The following ZFYVE27 variants were observed in gnomAD, a reference collection of about 807,000 sequenced individuals.
ZFYVE27 encodes zinc finger FYVE-type containing 27.
ZFYVE27 carries 36 observed loss-of-function variants against 52.8 expected under a neutral mutation model. The ratio of observed to expected loss-of-function variants is 0.68; its 90% confidence interval spans 0.52 to 0.90. The LOEUF (loss-of-function observed/expected upper bound fraction) is 0.90, where lower values mean the gene tolerates loss of function less well. Among genes scored for constraint, ZFYVE27 ranks in the 40% least tolerant of loss-of-function variants. ZFYVE27 has a pLI of 0.00. For missense variants in ZFYVE27, 450 were observed against 527.2 expected (o/e 0.85, Z 1.43); for synonymous variants, 223 against 215.6 (o/e 1.03, Z -0.30).
rs1291226384 is a variant in ZFYVE27 at position 97,750,395 on chromosome 10, T to C, written c.729T>C (p.Phe243=). Reference sequence around the variant, plus strand: ...ACCCAAAGCAGGAAGAGCATGCCTTTGAGAGTCCTCCACCACCAGATGTTG... The same window carrying C: ...ACCCAAAGCAGGAAGAGCATGCCTTCGAGAGTCCTCCACCACCAGATGTTG... The part of the protein sequence containing the change: ...RMNPKQEEHA[F]ESPPPPDVGG... Residue 243 remains phenylalanine (F), a synonymous_variant, in exon 7 of 13, where the codon TTT becomes TTC. Transcript: ENST00000684270. 6.2e-7 allele frequency: 1 copy of C among 1,614,052 alleles called. No homozygotes were observed. The highest frequency in any genetic ancestry group is 8.5e-7 in the Non-Finnish European group (1 of 1,180,046).
intron 8 of ZFYVE27, among the ~76,000 whole-genome samples, chr10:97,751,886 T>C (rs958857646): frequency 6.6e-6 from 1 of 152,242 alleles, no homozygotes; most frequent in African/African-American, 2.4e-5. Flanking sequence ...GGCCAAGTGC[T>C]AGGTCAGAGG....
chr10:97,755,190 C>T (rs1314856235), intron 10 of ZFYVE27, among the ~76,000 whole-genome samples: 1 of 152,244 alleles, frequency 6.6e-6, no homozygotes, highest in Non-Finnish European at 1.5e-5. Flanking sequence ...CCTCATCCTT[C>T]AAGACCACTT....
chr10:97,757,807 A>G (rs1466017709), intron 12 of ZFYVE27, 84 bp downstream of exon 12: 1 of 1,400,468 alleles, frequency 7.1e-7, no homozygotes, highest in African/African-American at 1.4e-5. Flanking sequence ...AGGGTGTCAG[A>G]GGTCAAGGGA....
intron 9 of ZFYVE27, 62 bp downstream of exon 9, chr10:97,752,939 C>G (rs1047218270): frequency 1.2e-6 from 2 of 1,612,348 alleles, no homozygotes; most frequent in African/African-American, 2.7e-5. Flanking sequence ...GAACCGGCTG[C>G]TGCCACACCT....
intron 12 of ZFYVE27, among the ~76,000 whole-genome samples, chr10:97,758,568 C>G (rs12244954): frequency 0.066 from 10,049 of 152,170 alleles, 999 homozygotes; most frequent in African/African-American, 0.22. Context: ...GTGATCTGCC[C>G]GCCTCGGCCT....
chr10:97,754,795 C>T (rs763664041), intron 10 of ZFYVE27: 1 of 1,289,394 alleles, frequency 7.8e-7, no homozygotes, highest in African/African-American at 1.5e-5. Flanking sequence ...GGTAACACTA[C>T]ACACAAGAAG....
Position 97,744,884 on chromosome 10 carries a change from C to A in ZFYVE27, c.424C>A (p.Arg142Ser). The change falls in exon 4 of 13, where the codon CGT becomes AGT. Residue 142 changes from arginine to serine, a missense_variant. By Grantham distance (110) the Arg-to-Ser change is moderately radical. Transcript: ENST00000684270. ...GGACCTGCAGAGAGGTCGCCTGTCT[C>A]GTCCCGAGGCCGTGGCTGAGGTGAA... Reference protein sequence around the residue: ...QEDLQRGRLSRPEAVAEVKSF... With the variant: ...QEDLQRGRLSSPEAVAEVKSF... 1.2e-6 allele frequency: 2 copies of A among 1,601,714 alleles called. No homozygotes were observed. Among genetic ancestry groups the A allele is most frequent in the South Asian group, 1.1e-5 (1 of 89,728 alleles).
chr10:97,757,528 A>AC (rs1355556541), intron 11 of ZFYVE27, 114 bp from the exon 12 acceptor site: 2 of 1,345,730 alleles, frequency 1.5e-6, no homozygotes, highest in Non-Finnish European at 2.1e-6. Context: ...CCACTTGGGC[A>AC]CCCCCCAGGC....
At chr10:97,744,509 C>T (rs1330887655) in intron 3 of ZFYVE27, among the ~76,000 whole-genome samples, 1 of 152,252 alleles carries the variant, frequency 6.6e-6, no homozygotes, top group Non-Finnish European at 1.5e-5. Flanking sequence ...AGACAACAGA[C>T]ATGCCTGCAA....
At chr10:97,748,725 A>ATGATTTTCAC (rs2046140905) in intron 5 of ZFYVE27, among the ~76,000 whole-genome samples, 2 of 152,292 alleles carry the variant, frequency 1.3e-5, no homozygotes, top group East Asian at 3.9e-4. Flanking sequence ...TTATCATTAT[A>ATGATTTTCAC]TTAAAGATGA....
At chr10:97,757,835 G>A in intron 12 of ZFYVE27, 112 bp downstream of exon 12, 1 of 1,064,640 alleles carries the variant, frequency 9.4e-7, no homozygotes, top group Non-Finnish European at 1.4e-6. Flanking sequence ...ATTGTAGTCA[G>A]GCCTACGGGA....
intron 11 of ZFYVE27, 47 bp downstream of exon 11, chr10:97,757,358 C>T (rs1460310157): frequency 2.5e-6 from 4 of 1,613,444 alleles, no homozygotes; most frequent in East Asian, 2.2e-5. Flanking sequence ...GTCCTTGGGA[C>T]TGTCGGGTGG....
At position 97,752,991 on chromosome 10, in the gene ZFYVE27, G is replaced by T. The variant is rs543969636; in HGVS notation, c.898-47G>T. 128 of 1,613,018 alleles carry T rather than the reference G, an allele frequency of 7.9e-5. 1 individual carries two copies. The South Asian group carries it at 1.3e-3, about 17-fold the overall frequency. Reference sequence around the variant, plus strand: ...CAGGATGCCTCTGCACACGGGTCCTGCAGCCTTGCAAGAGGTGGGCAGGAC... The same window carrying T: ...CAGGATGCCTCTGCACACGGGTCCTTCAGCCTTGCAAGAGGTGGGCAGGAC... On this transcript the variant is annotated intron_variant, in intron 9 of 12. Coordinates refer to ENST00000684270, the MANE Select transcript of ZFYVE27 (RefSeq NM_001385875.1).
intron 10 of ZFYVE27, 26 bp from the exon 11 acceptor site, chr10:97,757,239 G>A (rs749322071): frequency 2.5e-6 from 4 of 1,614,038 alleles, no homozygotes; most frequent in Admixed American, 1.7e-5. Flanking sequence ...ATGGGCGGGG[G>A]TTGAGCTGCT....
At chr10:97,748,460 A>C in intron 5 of ZFYVE27, 96 bp downstream of exon 5, 2 of 1,248,692 alleles carry the variant, frequency 1.6e-6, no homozygotes, top group Non-Finnish European at 2.3e-6. Context: ...TGCCCCTCTT[A>C]CCTCAGGGGA....
chr10:97,746,437 G>A (rs1311630683), intron 4 of ZFYVE27, among the ~76,000 whole-genome samples: 1 of 152,104 alleles, frequency 6.6e-6, no homozygotes, highest in East Asian at 1.9e-4. Flanking sequence ...TTGCCATGTT[G>A]GCTTCGTCTA....
At chr10:97,754,009 T>C (rs1230613060) in intron 10 of ZFYVE27, among the ~76,000 whole-genome samples, 1 of 152,160 alleles carries the variant, frequency 6.6e-6, no homozygotes, top group African/African-American at 2.4e-5. Flanking sequence ...ACAATTATGG[T>C]GGAAACCTAG....
intron 10 of ZFYVE27, among the ~76,000 whole-genome samples, chr10:97,756,565 C>T (rs1162930903): frequency 6.6e-6 from 1 of 152,172 alleles, no homozygotes; most frequent in African/African-American, 2.4e-5. Context: ...CCCCTTACAC[C>T]CCCTTGTTGT....
At chr10:97,758,225 T>A (rs2048882887) in intron 12 of ZFYVE27, 1 of 153,096 alleles carries the variant, frequency 6.5e-6, no homozygotes, top group African/African-American at 2.4e-5. Context: ...TGGACCCTGC[T>A]GCTCATTAGC....
Sources: gnomAD v4.1 joint callset for allele counts (sites outside exome capture counted in the v4.1 genomes callset) on GRCh38, gnomAD v4.1.1 for gene constraint, MANE v1.5 for transcripts, NCBI Gene and HGNC (gene_info 2026-07-23, HGNC 2026-07-21) for gene names.